The following DCAF4 variants were observed in gnomAD, a reference collection of about 807,000 sequenced individuals.
The protein encoded by DCAF4 is DDB1- and CUL4-associated factor 4.
A neutral mutation model predicts 60.9 loss-of-function variants in DCAF4; 37 were observed. That is an observed-to-expected ratio of 0.61 (90% CI 0.47 to 0.80). The LOEUF is 0.80. DCAF4 is among the 30% of genes least tolerant of loss of function. The pLI is 0.00. For synonymous variants in DCAF4, 243 were observed against 254.8 expected, an observed-to-expected ratio of 0.95 and a Z score of 0.44; for missense variants, 577 against 650.0, an observed-to-expected ratio of 0.89 and a Z score of 1.22.
chr14:72,939,712 G>A, intron 2 of DCAF4, 90 bp from the exon 3 acceptor site: 1 of 1,107,172 alleles, frequency 9.0e-7, no homozygotes, highest in Non-Finnish European at 1.3e-6. Flanking sequence ...GGTGAAGGCT[G>A]CAGAACTGCC....
chr14:72,944,108 G>T (rs1026491729), intron 6 of DCAF4, among the ~76,000 whole-genome samples: 6 of 152,192 alleles, frequency 3.9e-5, no homozygotes, highest in South Asian at 4.2e-4. Context: ...TGGTGTGTGG[G>T]GTCTGGTGAT....
In DCAF4 at chr14:72,954,331, C is replaced by T. The variant is rs962960491; in HGVS notation, c.908-55C>T. On this transcript the variant is annotated intron_variant, in intron 10 of 13. Coordinates refer to ENST00000358377, the MANE Select transcript of DCAF4 (RefSeq NM_015604.4). ...GCCTTAAAACCCCATGTAGTTGTCC[C>T]TCTCCCCAGACTACATGTGACATAA... 4 of 1,611,922 alleles carry T rather than the reference C, an allele frequency of 2.5e-6. No individual in the cohort carries two copies. The African/African-American group carries it at 5.3e-5, about 22-fold the overall frequency.
chr14:72,928,339 G>T (rs1478633127), intron 1 of DCAF4, among the ~76,000 whole-genome samples: 1 of 151,426 alleles, frequency 6.6e-6, no homozygotes, highest in African/African-American at 2.4e-5. Context: ...GACTACGGGC[G>T]CACGCCACCG....
intron 1 of DCAF4, among the ~76,000 whole-genome samples, chr14:72,930,410 A>T (rs1393522186): frequency 6.6e-6 from 1 of 152,074 alleles, no homozygotes; most frequent in East Asian, 1.9e-4. Context: ...CTGGGACCAC[A>T]GGCGCCCGCC....
Position 72,958,752 on chromosome 14 carries a change from C to T in DCAF4, c.1435C>T (p.Pro479Ser), listed in dbSNP as rs1452855346. 6.2e-7 allele frequency: 1 copy of T among 1,609,596 alleles called. No individual in the cohort carries two copies. Among genetic ancestry groups the T allele is most frequent in the Non-Finnish European group, 8.5e-7 (1 of 1,177,842 alleles). Residue 479 changes from proline (P) to serine (S), a missense_variant, in exon 14 of 14, where the codon CCG (proline) becomes TCG (serine). By Grantham distance (74) the Pro-to-Ser change is moderately conservative (BLOSUM62 -1). Coordinates refer to ENST00000358377, the MANE Select transcript of DCAF4 (RefSeq NM_015604.4). ...SSRLGGSRGA[P>S]GLLMAVGQDL... is the part of the protein sequence containing the mutation. Reference sequence around the variant, plus strand: ...GCGGCTGGGGGGCTCCCGGGGCGCGCCGGGGCTGCTCATGGCTGTCGGGCA... The same window carrying T: ...GCGGCTGGGGGGCTCCCGGGGCGCGTCGGGGCTGCTCATGGCTGTCGGGCA...
At chr14:72,938,682 A>C (rs963073412) in intron 2 of DCAF4, among the ~76,000 whole-genome samples, 1 of 152,236 alleles carries the variant, frequency 6.6e-6, no homozygotes, top group African/African-American at 2.4e-5. Context: ...AGAGGCAGTC[A>C]GTACACAGTG....
At chr14:72,957,215 TA>T (rs1446835158) in intron 13 of DCAF4, 1 of 147,224 alleles carries the variant, frequency 6.8e-6, no homozygotes, top group Non-Finnish European at 1.5e-5. Context: ...CGTCTCAAAA[TA>T]AATAAATAAA....
chr14:72,954,589 G>C, intron 11 of DCAF4, 106 bp downstream of exon 11: 1 of 1,027,416 alleles, frequency 9.7e-7, no homozygotes, highest in Non-Finnish European at 1.5e-6. Context: ...CTTTGACAGG[G>C]GAGAAAGAGC....
intron 6 of DCAF4, 96 bp from the exon 7 acceptor site, chr14:72,945,788 C>T (rs1890657618): frequency 1.3e-6 from 2 of 1,503,696 alleles, no homozygotes; most frequent in Admixed American, 3.9e-5. Context: ...TGAAAATGCA[C>T]AGAGCATGGG....
chr14:72,929,572 A>G, intron 1 of DCAF4: 1 of 867,828 alleles, frequency 1.2e-6, no homozygotes, highest in Non-Finnish European at 1.9e-6. Context: ...TTTTTCCGTC[A>G]AGCTGTTCTT....
At chr14:72,947,073 C>T (rs76368243) in intron 7 of DCAF4, 69 bp from the exon 8 acceptor site, 2 of 1,595,348 alleles carry the variant, frequency 1.3e-6, no homozygotes, top group Non-Finnish European at 1.7e-6. Context: ...TGTGTCCCCA[C>T]ATGTTATTCC....
At chr14:72,940,098 C>T in intron 3 of DCAF4, 122 bp from the exon 4 acceptor site, 4 of 1,386,288 alleles carry the variant, frequency 2.9e-6, no homozygotes, top group African/African-American at 1.4e-5. Context: ...GACAAGGCAG[C>T]TCATCCCCGC....
chr14:72,962,000 A>G (rs567781311), downstream of DCAF4: 24 of 1,102,430 alleles, frequency 2.2e-5, no homozygotes, highest in African/African-American at 3.5e-4. Context: ...CTGTTCTAAC[A>G]GCATCTCTTC....
chr14:72,929,669 C>T, intron 1 of DCAF4: 3 of 1,351,798 alleles, frequency 2.2e-6, no homozygotes, highest in Non-Finnish European at 3.1e-6. Flanking sequence ...TCAGCTCCTC[C>T]CGCTTCCTCT....
intron 13 of DCAF4, 91 bp from the exon 14 acceptor site, chr14:72,958,521 C>T (rs1449293923): frequency 1.4e-6 from 2 of 1,470,422 alleles, no homozygotes; most frequent in African/African-American, 2.8e-5. Context: ...AATCACAGCC[C>T]TGAGGAATCT....
At position 72,938,084 on chromosome 14, in the gene DCAF4, T is replaced by G; in HGVS notation, c.92+14T>G. The G allele has an allele frequency of 6.3e-7, 1 of 1,589,724 alleles. No individual in the cohort carries two copies. Among genetic ancestry groups the G allele is most frequent in the Non-Finnish European group, 8.5e-7 (1 of 1,172,950 alleles). ...TTCTGAAGACAGGCAAGTGTGCCGC[T>G]CTGGGGAGCCACTTTTGCCCAGTGT... is the stretch of plus-strand genomic sequence containing the variant. On this transcript the variant is annotated intron_variant, in intron 2 of 13. Coordinates refer to ENST00000358377, the MANE Select transcript of DCAF4 (RefSeq NM_015604.4).
chr14:72,927,844 T>C (rs886853567), intron 1 of DCAF4, among the ~76,000 whole-genome samples: 2 of 152,220 alleles, frequency 1.3e-5, no homozygotes, highest in African/African-American at 4.8e-5. Flanking sequence ...ATTTCTTAAA[T>C]AAGTGTTAAG....
intron 1 of DCAF4, among the ~76,000 whole-genome samples, chr14:72,927,338 GTGT>G (rs1242956721): frequency 7.6e-6 from 1 of 132,290 alleles, no homozygotes. Context: ...AGTCGCGGTG[GTGT>G]TCTTTTTTTT....
chr14:72,927,636 C>T lies in DCAF4; in HGVS notation c.-9+1093C>T, dbSNP rs547454257. ...AAAGTGCTGGGATTACAGGCGTGAG[C>T]CACCGCGCCCGGCCTGAGGTGGTGT... On this transcript the variant is annotated intron_variant, in intron 1 of 13. Transcript: ENST00000358377. Among the ~76,000 whole-genome samples, 278 of 152,156 alleles carry T rather than the reference C, an allele frequency of 1.8e-3. 2 individuals are homozygous for T. The highest frequency in any genetic ancestry group is 2.9e-3 in the Non-Finnish European group (199 of 67,986).
Sources: gnomAD v4.1 joint callset for allele counts (sites outside exome capture counted in the v4.1 genomes callset) on GRCh38, gnomAD v4.1.1 for gene constraint, MANE v1.5 for transcripts, NCBI Gene and HGNC (gene_info 2026-07-23, HGNC 2026-07-21) for gene names.